PIP5K1C: variants seen among roughly 807,000 people sequenced by gnomAD.
PIP5K1C encodes phosphatidylinositol-4-phosphate 5-kinase type 1 gamma.
PIP5K1C carries 45 observed loss-of-function variants against 80.1 expected under a neutral mutation model. The ratio of observed to expected loss-of-function variants is 0.56; its 90% CI spans 0.44 to 0.72. The LOEUF is 0.72. Among genes scored for constraint, PIP5K1C ranks in the 30% least tolerant of loss-of-function variants. PIP5K1C has a pLI of 0.00. For synonymous variants in PIP5K1C, 498 were observed against 420.1 expected, an observed-to-expected ratio of 1.19 and a Z score of -2.27; for missense variants, 753 against 954.6, an observed-to-expected ratio of 0.79 and a Z score of 2.78.
intron 10 of PIP5K1C, among the ~76,000 whole-genome samples, chr19:3,646,368 T>C (rs2034214111): frequency 6.6e-6 from 1 of 152,210 alleles, no homozygotes; most frequent in South Asian, 2.1e-4. Flanking sequence ...CGTGGACTTG[T>C]AGGGGAGGCT....
intron 17 of PIP5K1C, 119 bp downstream of exon 17, chr19:3,633,318 G>T: frequency 1.4e-6 from 1 of 735,794 alleles, no homozygotes; most frequent in Non-Finnish European, 2.2e-6. Flanking sequence ...GTGGAGCTCT[G>T]GGCCACCTGT....
At chr19:3,676,813 C>T (rs2035373967) in intron 1 of PIP5K1C, among the ~76,000 whole-genome samples, 1 of 152,210 alleles carries the variant, frequency 6.6e-6, no homozygotes, top group Admixed American at 6.5e-5. Context: ...ACTGCTTTTA[C>T]TTTAAAAAGA....
At position 3,632,588 on chromosome 19, in the gene PIP5K1C, CCCCACAGT is replaced by C. The variant is rs2033501005; in HGVS notation, c.*571_*578del. 1 of 152,526 alleles carries C rather than the reference CCCCACAGT, an allele frequency of 6.6e-6. No homozygotes were observed. The highest frequency in any genetic ancestry group is 6.5e-5 in the Admixed American group (1 of 15,286). 9.4% of individuals were successfully genotyped at this position (152,526 alleles called of 1,614,324 possible). A position where few individuals can be genotyped will look rare whatever the true frequency, so the allele number is the denominator to read the frequency against. On this transcript the variant is annotated 3_prime_UTR_variant, in exon 18 of 18. Transcript: ENST00000335312. ...CAGTGCTTGGCAGGGCGAGGGCTGT[CCCCACAGT>C]CGATGTTCAGGCCAGATGTCCTGCA...
At chr19:3,645,897 G>T in intron 11 of PIP5K1C, 77 bp downstream of exon 11, 1 of 1,143,018 alleles carries the variant, frequency 8.7e-7, no homozygotes, top group Non-Finnish European at 1.3e-6. Flanking sequence ...TCGGCCTCCC[G>T]CAGAGTCCCT....
chr19:3,680,538 G>A (rs1312374847), intron 1 of PIP5K1C, among the ~76,000 whole-genome samples: 1 of 152,202 alleles, frequency 6.6e-6, no homozygotes, highest in African/African-American at 2.4e-5. Context: ...CTGACCTCAG[G>A]TGATCCACTC....
At chr19:3,667,494 G>T in intron 1 of PIP5K1C, 141 bp from the exon 2 acceptor site, 2 of 898,330 alleles carry the variant, frequency 2.2e-6, no homozygotes, top group Non-Finnish European at 3.7e-6. Flanking sequence ...CTACACACAA[G>T]TGAAGACATG....
At position 3,637,699 on chromosome 19, in the gene PIP5K1C, G is replaced by GAGGCGGAGGGAGGTGGCGGGGAGC; in HGVS notation, c.1920+1161_1920+1184dup. 3.3e-6 allele frequency: 5 copies of GAGGCGGAGGGAGGTGGCGGGGAGC among 1,507,634 alleles called. No individual in the cohort carries two copies. Among genetic ancestry groups the GAGGCGGAGGGAGGTGGCGGGGAGC allele is most frequent in the Non-Finnish European group, 4.4e-6 (5 of 1,132,146 alleles). 93.4% of individuals were successfully genotyped at this position (1,507,634 alleles called of 1,614,324 possible). A position where few individuals can be genotyped will look rare whatever the true frequency, so the allele number is the denominator to read the frequency against. On this transcript the variant is annotated intron_variant, in intron 16 of 17. Transcript: ENST00000335312. The surrounding 1 kb of genome is among the most constrained non-coding windows in gnomAD (Gnocchi z 7.0). ...CGGCCACCCCCGTGGTCGGGTGGGA[G>GAGGCGGAGGGAGGTGGCGGGGAGC]AGGCGGAGGGAGGTGGCGGGGAGCA...
intron 1 of PIP5K1C, among the ~76,000 whole-genome samples, chr19:3,694,886 T>G (rs1448598553): frequency 6.6e-6 from 1 of 152,186 alleles, no homozygotes; most frequent in Non-Finnish European, 1.5e-5. Flanking sequence ...GGCTCTGGGC[T>G]GGGCAAACAT....
intron 1 of PIP5K1C, among the ~76,000 whole-genome samples, chr19:3,684,118 C>G (rs2035679335): frequency 6.6e-6 from 1 of 152,160 alleles, no homozygotes; most frequent in Non-Finnish European, 1.5e-5. Context: ...GAAGTGGCCT[C>G]TGTGTCACCC....
At chr19:3,682,246 C>T (rs1353365252) in intron 1 of PIP5K1C, among the ~76,000 whole-genome samples, 2 of 151,880 alleles carry the variant, frequency 1.3e-5, no homozygotes, top group South Asian at 2.1e-4. Context: ...TGGGGGTGCG[C>T]GCCTGTAATC....
chr19:3,676,552 G>A (rs569527039), intron 1 of PIP5K1C, among the ~76,000 whole-genome samples: 7 of 152,168 alleles, frequency 4.6e-5, no homozygotes, highest in Non-Finnish European at 8.8e-5. Flanking sequence ...CGCCCCCCAC[G>A]GCCCACTCCC....
intron 5 of PIP5K1C, among the ~76,000 whole-genome samples, chr19:3,658,940 C>G (rs999320358): frequency 6.6e-6 from 1 of 152,148 alleles, no homozygotes. Context: ...CTGGGGCTCT[C>G]GGCAGCTGCG....
intron 1 of PIP5K1C, among the ~76,000 whole-genome samples, chr19:3,689,778 AAC>A (rs890787727): frequency 2.0e-5 from 3 of 151,922 alleles, no homozygotes; most frequent in Non-Finnish European, 2.9e-5. Flanking sequence ...CGCACACGCT[AAC>A]ACACACACAC....
chr19:3,646,276 G>A (rs573992733), intron 10 of PIP5K1C, among the ~76,000 whole-genome samples: 2 of 152,162 alleles, frequency 1.3e-5, no homozygotes, highest in Non-Finnish European at 2.9e-5. Context: ...AATGGGTGGA[G>A]GCTTTTCCAC....
At position 3,692,988 on chromosome 19, in the gene PIP5K1C, G is replaced by A. The variant is rs1009179219; in HGVS notation, c.94+7309C>T. ...TGGCCCCCGAGTCCCCAGCCTTGAG[G>A]GCACCTCCGCCGCCACTCTCTCCCC... On this transcript the variant is annotated intron_variant, in intron 1 of 17. Coordinates refer to ENST00000335312, the MANE Select transcript of PIP5K1C (RefSeq NM_012398.3). The surrounding 1 kb of genome is among the most constrained non-coding windows in gnomAD (Gnocchi z 5.2). Among the ~76,000 whole-genome samples, 1 of 151,866 alleles carries A rather than the reference G, an allele frequency of 6.6e-6. No homozygotes were observed. The highest frequency in any genetic ancestry group is 2.1e-4 in the South Asian group (1 of 4,808).
At chr19:3,658,112 C>T (rs1345518243) in intron 5 of PIP5K1C, among the ~76,000 whole-genome samples, 2 of 152,208 alleles carry the variant, frequency 1.3e-5, no homozygotes, top group South Asian at 2.1e-4. Context: ...ATGCCCCAGT[C>T]CCTCCTTGGG....
intron 1 of PIP5K1C, chr19:3,673,651 C>T (rs1027400865): frequency 2.0e-5 from 3 of 152,276 alleles, no homozygotes; most frequent in African/African-American, 7.2e-5. Context: ...TCCTGCGATC[C>T]CACAAGCAGG....
intron 1 of PIP5K1C, among the ~76,000 whole-genome samples, chr19:3,673,326 A>AC (rs1035109756): frequency 3.9e-5 from 6 of 151,990 alleles, no homozygotes; most frequent in Non-Finnish European, 7.4e-5. Context: ...CCTCCAGCCA[A>AC]CCTGCACCAA....
intron 1 of PIP5K1C, among the ~76,000 whole-genome samples, chr19:3,684,571 G>A (rs1437802632): frequency 1.3e-5 from 2 of 152,226 alleles, no homozygotes; most frequent in African/African-American, 4.8e-5. Context: ...AGGGTGTGCT[G>A]GCACAAGCCA....
Sources: allele counts gnomAD v4.1 joint callset (sites outside exome capture counted in the v4.1 genomes callset), GRCh38; gene constraint gnomAD v4.1.1; non-coding constraint Gnocchi (gnomAD v3.1); transcripts MANE v1.5; gene names NCBI Gene and HGNC (gene_info 2026-07-23, HGNC 2026-07-21).